NUP62CL: variants seen among roughly 807,000 people sequenced by gnomAD.
NUP62CL encodes the protein nucleoporin-62 C-terminal-like protein.
In NUP62CL, 13 loss-of-function variants were observed where a neutral mutation model predicts 15.3. The ratio of observed to expected loss-of-function variants is 0.85; its 90% CI spans 0.55 to 1.35. NUP62CL has a LOEUF of 1.35. Among genes scored for constraint, NUP62CL ranks in the 40% most tolerant of loss-of-function variants. NUP62CL has a pLI of 0.00. For missense variants in NUP62CL, 123 were observed against 130.6 expected (o/e 0.94, Z 0.28); for synonymous variants, 54 against 49.2 (o/e 1.10, Z -0.41).
chrX:107,165,099 TCAAACAAACAAA>T (rs747591195), intron 4 of NUP62CL, among the ~76,000 whole-genome samples: 9 of 110,476 alleles, frequency 8.1e-5, no homozygotes, highest in South Asian at 3.8e-4. Flanking sequence ...AGACTCCGTC[TCAAACAAACAAA>T]CAAACAAACA....
intron 3 of NUP62CL, among the ~76,000 whole-genome samples, chrX:107,172,297 C>T (rs1289771560): frequency 9.1e-6 from 1 of 110,348 alleles, no homozygotes; most frequent in African/African-American, 3.3e-5. Context: ...CCACTGCACT[C>T]TAACCTGGGT....
chrX:107,160,857 G>A lies in NUP62CL; in HGVS notation c.195-6611C>T, dbSNP rs1460425443. On this transcript the variant is annotated intron_variant, in intron 4 of 8. Coordinates refer to ENST00000372466, the MANE Select transcript of NUP62CL (RefSeq NM_017681.3). ...GAGTGAACAGGCAACCTACAACATG[G>A]GAGAAAATTTTCGCAACCTACTCAT... Among the ~76,000 whole-genome samples the A allele has an allele frequency of 2.7e-5, 3 of 109,567 alleles. No homozygotes were observed. The Admixed American group carries it at 2.9e-4, about 11-fold the overall frequency.
rs1287496970 is a variant in NUP62CL at position 107,153,498 on chromosome X, A to G, written c.351T>C (p.Arg117=). The G allele has an allele frequency of 9.0e-7, 1 of 1,105,549 alleles. No individual in the cohort carries two copies. Among genetic ancestry groups the G allele is most frequent in the Admixed American group, 2.9e-5 (1 of 34,736 alleles). 91.1% of individuals were successfully genotyped at this position (1,105,549 alleles called of 1,213,427 possible). The change falls in exon 6 of 9, where the codon CGT becomes CGC. Residue 117 remains arginine, a synonymous_variant. Coordinates refer to ENST00000372466, the MANE Select transcript of NUP62CL (RefSeq NM_017681.3). ...HTLIENGEMI[R]ILHGEVNKVK... The stretch of plus-strand genomic sequence containing the variant: ...CTTTGTTCACTTCTCCATGTAAAAT[A>G]CGAATCTATAAAGAGAAATATGAAT...
At chrX:107,185,471 C>G (rs5962798) in intron 2 of NUP62CL, among the ~76,000 whole-genome samples, 170 of 110,693 alleles carry the variant, frequency 1.5e-3, no homozygotes, top group Middle Eastern at 0.014. Flanking sequence ...GGTTAAGGGA[C>G]ATACAGGGAG....
rs1182575473 is a variant in NUP62CL, at chrX:107,123,513, A to G, written c.*862T>C. 2.7e-5 allele frequency: 3 copies of G among 110,495 alleles called. No individual in the cohort carries two copies. Among genetic ancestry groups the G allele is most frequent in the Non-Finnish European group, 5.7e-5 (3 of 52,834 alleles). 9.1% of individuals were successfully genotyped at this position (110,495 alleles called of 1,213,427 possible). ...TACCTTTATTTATGACTTAGGTGAA[A>G]CATGAAACACAGGAGACCAGACTGT... is the stretch of plus-strand genomic sequence containing the variant. On this transcript the variant is annotated 3_prime_UTR_variant, in exon 9 of 9. Transcript: ENST00000372466.
At chrX:107,203,492 C>T (rs1461789370) in intron 1 of NUP62CL, among the ~76,000 whole-genome samples, 2 of 110,317 alleles carry the variant, frequency 1.8e-5, no homozygotes, top group South Asian at 3.9e-4. Flanking sequence ...GTGATTCTTC[C>T]GCCTCAGCCT....
At chrX:107,153,993 A>AAAC (rs946839614) in intron 5 of NUP62CL, 103 bp downstream of exon 5, 6 of 842,412 alleles carry the variant, frequency 7.1e-6, no homozygotes, top group East Asian at 3.3e-5. Context: ...AACATAAACA[A>AAAC]AACAACAACA....
At chrX:107,161,497 T>C (rs1395246059) in intron 4 of NUP62CL, among the ~76,000 whole-genome samples, 48 of 74,086 alleles carry the variant, frequency 6.5e-4, no homozygotes, top group Non-Finnish European at 9.8e-4. Context: ...ATGGATGAAA[T>C]TGGAAACCAT....
intron 8 of NUP62CL, among the ~76,000 whole-genome samples, chrX:107,142,595 C>T (rs2147795055): frequency 8.9e-6 from 1 of 112,004 alleles, no homozygotes; most frequent in East Asian, 2.8e-4. Context: ...TTTTCCATTG[C>T]CCGTTCCTTT....
At chrX:107,156,061 G>A (rs1176964510) in intron 4 of NUP62CL, among the ~76,000 whole-genome samples, 2 of 110,829 alleles carry the variant, frequency 1.8e-5, no homozygotes, top group South Asian at 3.9e-4. Context: ...CGAATATTGC[G>A]CTTTTCAGAC....
rs376685992 is a variant in NUP62CL, at chrX:107,153,265, T to A, written c.437A>T (p.Glu146Val). Residue 146 changes from glutamate (E) to valine (V), a missense_variant, in exon 7 of 9, where the codon GAA (glutamate) becomes GTA (valine). Glu to Val is a moderately radical substitution (Grantham distance 121). Transcript: ENST00000372466. ...TAAATAAGTCAACAGAAATTCTAGTTCCTGCTGCTGTGACAGGATAAAATC... is the reference window on the plus strand; with the variant it reads ...TAAATAAGTCAACAGAAATTCTAGTACCTGCTGCTGTGACAGGATAAAATC... ...ELDFILSQQQ[E>V]LEFLLTYLEE... The A allele has an allele frequency of 8.3e-7, 1 of 1,206,913 alleles. No homozygotes were observed. Among genetic ancestry groups the A allele is most frequent in the Non-Finnish European group, 1.1e-6 (1 of 892,609 alleles).
At chrX:107,165,181 C>A (rs1297908803) in intron 4 of NUP62CL, among the ~76,000 whole-genome samples, 3 of 110,030 alleles carry the variant, frequency 2.7e-5, no homozygotes, top group Non-Finnish European at 5.7e-5. Flanking sequence ...AGCTTGTAAT[C>A]CCAGCTACTC....
rs1422677065 is a variant in NUP62CL at position 107,189,941 on chromosome X, GAAA to G, written c.-48+3085_-48+3087del. On this transcript the variant is annotated intron_variant, in intron 2 of 8. Transcript: ENST00000372466. The stretch of plus-strand genomic sequence containing the variant: ...AGAAAGAAAGAAAGAAAGAAAGAAA[GAAA>G]GAGAATCGATACAGACAACAATCTG... Among the ~76,000 whole-genome samples, 11 of 94,708 alleles carry G rather than the reference GAAA, an allele frequency of 1.2e-4. No homozygotes were observed. In the South Asian group the frequency reaches 1.4e-3, roughly 12 times the overall value. The allele number at this position is 94,708 out of a possible 115,157, so 82.2% of individuals were successfully genotyped here. A position where few individuals can be genotyped will look rare whatever the true frequency, so the allele number is the denominator to read the frequency against.
intron 8 of NUP62CL, chrX:107,131,600 G>A (rs925973230): frequency 4.4e-6 from 2 of 449,964 alleles, no homozygotes; most frequent in Admixed American, 3.3e-5. Flanking sequence ...GCAGCTCCGC[G>A]TCGCCAGTGA....
chrX:107,151,927 C>T (rs1246249024), intron 7 of NUP62CL, among the ~76,000 whole-genome samples: 5 of 101,932 alleles, frequency 4.9e-5, no homozygotes, highest in African/African-American at 1.8e-4. Flanking sequence ...CTACTCAGGA[C>T]GCTGAGGCAG....
rs767653337 is a variant in NUP62CL, at chrX:107,178,039, C to T, written c.-47-2846G>A. Among the ~76,000 whole-genome samples, 13 of 111,717 alleles carry T rather than the reference C, an allele frequency of 1.2e-4. No individual in the cohort carries two copies. The East Asian group carries it at 3.3e-3, about 29-fold the overall frequency. ...ACTTGCCATAAAAGGAAAAGTACCA[C>T]GCTACCATATGAATGAGCTTTGACA... is the stretch of plus-strand genomic sequence containing the variant. On this transcript the variant is annotated intron_variant, in intron 2 of 8. Transcript: ENST00000372466.
intron 4 of NUP62CL, among the ~76,000 whole-genome samples, chrX:107,165,491 C>A (rs1342718193): frequency 9.0e-6 from 1 of 110,516 alleles, no homozygotes; most frequent in Admixed American, 9.7e-5. Flanking sequence ...GCCAATGTTA[C>A]CCTGATATCA....
chrX:107,198,873 AT>A (rs1176872537), intron 1 of NUP62CL, among the ~76,000 whole-genome samples: 1 of 112,522 alleles, frequency 8.9e-6, no homozygotes, highest in Non-Finnish European at 1.9e-5. Context: ...GAAGGAACCA[AT>A]TCTGGACACA....
chrX:107,198,368 T>A lies in NUP62CL; in HGVS notation c.-91-5296A>T, dbSNP rs900130322. ...ATGTGGGTGGGGCCAAATAAGGGAA[T>A]AAAAGCTGGCCACCCGAGCCAGGAG... On this transcript the variant is annotated intron_variant, in intron 1 of 8. Transcript: ENST00000372466. Among the ~76,000 whole-genome samples, 67 of 111,651 alleles carry A rather than the reference T, an allele frequency of 6.0e-4. 1 individual carries two copies. The highest frequency in any genetic ancestry group is 4.1e-4 in the Non-Finnish European group (22 of 53,135).
Sources: allele counts gnomAD v4.1 joint callset (sites outside exome capture counted in the v4.1 genomes callset), GRCh38; gene constraint gnomAD v4.1.1; transcripts MANE v1.5; gene names NCBI Gene and HGNC (gene_info 2026-07-23, HGNC 2026-07-21).